The following OR7E24 variants were observed in gnomAD, a reference collection of about 807,000 sequenced individuals.
OR7E24 encodes olfactory receptor family 7 subfamily E member 24.
For missense variants in OR7E24, 385 were observed against 410.3 expected (o/e 0.94, Z 0.53); for synonymous variants, 130 against 157.5 (o/e 0.83, Z 1.31).
chr19:9,207,753 T>C, the OR7E24 span: 1 of 152,238 alleles, frequency 6.6e-6, no homozygotes, highest in African/African-American at 2.4e-5. Context: ...TCATGCTAGG[T>C]TGGGGCTCTT....
chr19:9,247,852 C>T (rs781418076), upstream of OR7E24, among the ~76,000 whole-genome samples: 6 of 152,096 alleles, frequency 3.9e-5, no homozygotes, highest in African/African-American at 7.2e-5. Flanking sequence ...CATGTCCCTG[C>T]CAATGAGTGA....
chr19:9,230,056 T>C, the OR7E24 span, among the ~76,000 whole-genome samples: 2 of 151,902 alleles, frequency 1.3e-5, no homozygotes, highest in African/African-American at 4.8e-5. Flanking sequence ...ATTTTTTTTT[T>C]TTTTTGAGAC....
the OR7E24 span, chr19:9,214,881 A>G: frequency 8.5e-7 from 1 of 1,181,100 alleles, no homozygotes; most frequent in Non-Finnish European, 1.2e-6. Context: ...AGCAACGTTT[A>G]ATGAACAGCA....
In OR7E24 at chr19:9,251,429, A is replaced by C; in HGVS notation, c.386A>C (p.Asp129Ala). The C allele has an allele frequency of 6.2e-7, 1 of 1,614,100 alleles. No homozygotes were observed. Among genetic ancestry groups the C allele is most frequent in the Non-Finnish European group, 8.5e-7 (1 of 1,180,020 alleles). ...TTTTTTGTCCTTTTTGCATGTATGG[A>C]TGACATGCTCCTGAGTGTGATGGCC... is the stretch of plus-strand genomic sequence containing the variant. ...MSFFVLFACM[D>A]DMLLSVMAYD... Residue 129 changes from aspartate (D) to alanine (A), a missense_variant, in exon 1 of 1, where the codon GAT becomes GCT. Asp to Ala is a moderately radical substitution (Grantham distance 126). Coordinates refer to ENST00000456448, the MANE Select transcript of OR7E24 (RefSeq NM_001079935.2).
chr19:9,248,354 G>C (rs1436155540), upstream of OR7E24, among the ~76,000 whole-genome samples: 1 of 152,090 alleles, frequency 6.6e-6, no homozygotes, highest in African/African-American at 2.4e-5. Context: ...TTATTGTACA[G>C]AGGAGGAAAG....
the OR7E24 span, among the ~76,000 whole-genome samples, chr19:9,228,719 G>A: frequency 2.0e-5 from 3 of 152,180 alleles, no homozygotes; most frequent in Non-Finnish European, 2.9e-5. Flanking sequence ...CCTTCAGGAA[G>A]GACTACTTTG....
the OR7E24 span, among the ~76,000 whole-genome samples, chr19:9,242,232 C>T: frequency 6.6e-6 from 1 of 151,978 alleles, no homozygotes; most frequent in African/African-American, 2.4e-5. Context: ...ATCCTGAAAA[C>T]ATTTCTTTCT....
At chr19:9,214,877 G>C in the OR7E24 span, 13 of 1,286,126 alleles carry the variant, frequency 1.0e-5, no homozygotes, top group Admixed American at 2.0e-5. Context: ...AAAAAGCAAC[G>C]TTTAATGAAC....
chr19:9,239,407 C>A, the OR7E24 span, among the ~76,000 whole-genome samples: 1 of 152,230 alleles, frequency 6.6e-6, no homozygotes, highest in East Asian at 1.9e-4. Context: ...CTCCTGACCC[C>A]GTGATCCATC....
At chr19:9,235,144 A>G in the OR7E24 span, 230 of 1,078,844 alleles carry the variant, frequency 2.1e-4, no homozygotes, top group African/African-American at 3.3e-3. Flanking sequence ...CAACAGCTAC[A>G]TGGAAGCAGA....
chr19:9,228,649 G>C, the OR7E24 span, among the ~76,000 whole-genome samples: 1 of 152,262 alleles, frequency 6.6e-6, no homozygotes, highest in Non-Finnish European at 1.5e-5. Context: ...AAAAACTATT[G>C]TTCAGTCCTC....
the OR7E24 span, chr19:9,214,817 T>C: frequency 6.2e-7 from 1 of 1,605,674 alleles, no homozygotes; most frequent in Non-Finnish European, 8.5e-7. Flanking sequence ...TTGATAATTC[T>C]GTAAGGTTTT....
the OR7E24 span, chr19:9,214,486 T>C: frequency 6.2e-7 from 1 of 1,614,114 alleles, no homozygotes; most frequent in Non-Finnish European, 8.5e-7. Context: ...TCATAGGCCA[T>C]CACGGCCAGT....
In OR7E24 at chr19:9,252,227, T is replaced by C; in HGVS notation, c.*164T>C. ...GGGTGAGTATTCTGGTATCCTTTGT[T>C]CATCATACACATCATGAATGATTCC... On this transcript the variant is annotated 3_prime_UTR_variant, in exon 1 of 1. Coordinates refer to ENST00000456448, the MANE Select transcript of OR7E24 (RefSeq NM_001079935.2). The C allele has an allele frequency of 1.7e-6, 1 of 601,896 alleles. No individual in the cohort carries two copies. Among genetic ancestry groups the C allele is most frequent in the Non-Finnish European group, 2.9e-6 (1 of 343,872 alleles). 37.3% of individuals were successfully genotyped at this position (601,896 alleles called of 1,614,324 possible).
upstream of OR7E24, among the ~76,000 whole-genome samples, chr19:9,243,900 CCTT>C (rs1024660033): frequency 6.6e-6 from 1 of 152,164 alleles, no homozygotes; most frequent in African/African-American, 2.4e-5. Context: ...CTGCTGGCAT[CCTT>C]CTCACCAGGC....
chr19:9,227,898 C>T, the OR7E24 span, among the ~76,000 whole-genome samples: 2 of 149,708 alleles, frequency 1.3e-5, no homozygotes, highest in East Asian at 3.9e-4. Flanking sequence ...GGACTACAGG[C>T]GCCCGCCACT....
At chr19:9,214,524 A>G in the OR7E24 span, 1 of 1,614,180 alleles carries the variant, frequency 6.2e-7, no homozygotes, top group Non-Finnish European at 8.5e-7. Flanking sequence ...AGCAAACATC[A>G]TTAAAAAATA....
At chr19:9,236,819 A>T in the OR7E24 span, among the ~76,000 whole-genome samples, 1 of 151,958 alleles carries the variant, frequency 6.6e-6, no homozygotes, top group African/African-American at 2.4e-5. Context: ...TCTTAATTTG[A>T]TTTTGCTCGT....
chr19:9,218,559 T>A, the OR7E24 span, among the ~76,000 whole-genome samples: 1 of 152,100 alleles, frequency 6.6e-6, no homozygotes, highest in Admixed American at 6.6e-5. Flanking sequence ...CAGTAAGGGG[T>A]TTAAATTCCT....
Sources: gnomAD v4.1 joint callset for allele counts (sites outside exome capture counted in the v4.1 genomes callset) on GRCh38, gnomAD v4.1.1 for gene constraint, MANE v1.5 for transcripts, NCBI Gene and HGNC (gene_info 2026-07-23, HGNC 2026-07-21) for gene names.